KIF5C: variants seen among roughly 807,000 people sequenced by gnomAD.
The protein encoded by KIF5C is kinesin family member 5C.
In KIF5C, 18 loss-of-function variants were observed where a neutral mutation model predicts 125.2. The ratio of observed to expected loss-of-function variants is 0.14; its 90% CI spans 0.10 to 0.21. The LOEUF is 0.21. Among genes scored for constraint, KIF5C ranks in the 10% least tolerant of loss-of-function variants. The pLI is 1.00. For missense variants in KIF5C, 780 were observed against 1,183.8 expected (o/e 0.66, Z 5.01); for synonymous variants, 405 against 434.0 (o/e 0.93, Z 0.83).
intron 7 of KIF5C, among the ~76,000 whole-genome samples, chr2:148,943,422 A>T (rs894377354): frequency 1.3e-5 from 2 of 152,166 alleles, no homozygotes; most frequent in African/African-American, 2.4e-5. Flanking sequence ...ATTAAGAGGG[A>T]TGTGGACAAA....
intron 23 of KIF5C, among the ~76,000 whole-genome samples, chr2:149,008,979 G>GT (rs1470279103): frequency 2.7e-5 from 4 of 146,172 alleles, no homozygotes; most frequent in Admixed American, 6.8e-5. Context: ...ATTTATTTTT[G>GT]TTTTTTTTAA....
intron 1 of KIF5C, among the ~76,000 whole-genome samples, chr2:148,917,157 A>T (rs757274250): frequency 6.6e-6 from 1 of 151,786 alleles, no homozygotes; most frequent in African/African-American, 2.4e-5. Context: ...TTTTTTCCCC[A>T]ATCTTGCCTT....
At chr2:148,919,194 T>A (rs1314398227) in intron 1 of KIF5C, among the ~76,000 whole-genome samples, 1 of 152,202 alleles carries the variant, frequency 6.6e-6, no homozygotes, top group African/African-American at 2.4e-5. Flanking sequence ...TTAAATTACA[T>A]GTAACTCAAG....
intron 15 of KIF5C, among the ~76,000 whole-genome samples, chr2:148,984,342 C>T (rs1464879075): frequency 2.6e-5 from 4 of 152,220 alleles, no homozygotes; most frequent in Non-Finnish European, 4.4e-5. Flanking sequence ...AAAATCTGCA[C>T]TTTAACAAGA....
Position 149,002,936 on chromosome 2 carries a change from C to T in KIF5C, c.2373+2154C>T, listed in dbSNP as rs1312835289. Among the ~76,000 whole-genome samples, 4 of 152,232 alleles carry T rather than the reference C, an allele frequency of 2.6e-5. No individual in the cohort carries two copies. The South Asian group carries it at 6.2e-4, about 24-fold the overall frequency. On this transcript the variant is annotated intron_variant, in intron 21 of 25. Transcript: ENST00000435030. ...ACGTATTTTCCTCACTAGCTCCTCC[C>T]GTCTCCCTGCTCGTCCGTTCTCTCT...
chr2:148,958,098 T>G (rs151096298), intron 10 of KIF5C, among the ~76,000 whole-genome samples: 1 of 152,192 alleles, frequency 6.6e-6, no homozygotes, highest in South Asian at 2.1e-4. Context: ...GTATCCATTC[T>G]ATTGTTGATG....
chr2:148,984,072 A>G (rs377067419), intron 15 of KIF5C, among the ~76,000 whole-genome samples: 217 of 152,350 alleles, frequency 1.4e-3, no homozygotes, highest in Non-Finnish European at 2.7e-3. Context: ...ATGTTGCAGA[A>G]GTTTGGAATT....
At chr2:148,994,678 A>G in intron 17 of KIF5C, 140 bp downstream of exon 17, 1 of 1,077,784 alleles carries the variant, frequency 9.3e-7, no homozygotes, top group Non-Finnish European at 1.2e-6. Context: ...ACTAGAAAAA[A>G]AGGAGCGATT....
chr2:148,895,741 C>T (rs1271224800), intron 1 of KIF5C, among the ~76,000 whole-genome samples: 3 of 152,032 alleles, frequency 2.0e-5, no homozygotes, highest in African/African-American at 4.8e-5. Context: ...ATTGAAAGCC[C>T]AAGATCGAGG....
chr2:148,875,935 C>T (rs1355536687), intron 1 of KIF5C, among the ~76,000 whole-genome samples, 192 bp downstream of exon 1: 1 of 116,270 alleles, frequency 8.6e-6, no homozygotes, highest in Non-Finnish European at 1.9e-5. Context: ...GAGAGGCGGC[C>T]GGGAGCGGCG....
intron 1 of KIF5C, among the ~76,000 whole-genome samples, chr2:148,896,991 T>C (rs372331757): frequency 6.6e-6 from 1 of 151,964 alleles, no homozygotes; most frequent in African/African-American, 2.4e-5. Flanking sequence ...CACCACTACA[T>C]CCGGCTAATT....
intron 1 of KIF5C, among the ~76,000 whole-genome samples, chr2:148,910,218 T>G (rs1681277725): frequency 6.6e-6 from 1 of 152,232 alleles, no homozygotes; most frequent in Non-Finnish European, 1.5e-5. Context: ...TAAGTTATAA[T>G]GTTAATAACA....
intron 2 of KIF5C, among the ~76,000 whole-genome samples, chr2:148,926,050 C>A (rs564204535): frequency 6.6e-6 from 1 of 152,346 alleles, no homozygotes; most frequent in African/African-American, 2.4e-5. Context: ...TACAGGCCCC[C>A]ATTTCCCCTG....
intron 11 of KIF5C, 79 bp downstream of exon 11, chr2:148,962,198 C>G (rs1160663978): frequency 6.8e-7 from 1 of 1,480,118 alleles, no homozygotes; most frequent in Non-Finnish European, 9.0e-7. Flanking sequence ...CAGAGTCTCT[C>G]TCTGTCACTC....
At chr2:148,980,713 T>TATTTATTA (rs1374642730) in intron 13 of KIF5C, among the ~76,000 whole-genome samples, 1 of 148,718 alleles carries the variant, frequency 6.7e-6, no homozygotes, top group Non-Finnish European at 1.5e-5. Context: ...TTTATTTATT[T>TATTTATTA]ATTTATTATT....
At chr2:148,882,454 T>C (rs1409448159) in intron 1 of KIF5C, among the ~76,000 whole-genome samples, 1 of 152,128 alleles carries the variant, frequency 6.6e-6, no homozygotes, top group Non-Finnish European at 1.5e-5. Context: ...TGCCCTCAGG[T>C]TGGAAACCAG....
chr2:148,994,657 A>G (rs2105177491), intron 17 of KIF5C, 119 bp downstream of exon 17: 1 of 1,213,144 alleles, frequency 8.2e-7, no homozygotes. Context: ...TCTACTGCAA[A>G]CAAAACCATA....
At chr2:148,986,780 A>T (rs1320745475) in intron 15 of KIF5C, among the ~76,000 whole-genome samples, 1 of 152,166 alleles carries the variant, frequency 6.6e-6, no homozygotes, top group Non-Finnish European at 1.5e-5. Flanking sequence ...CTAGAATATG[A>T]CAGCTCTGAA....
Position 148,986,059 on chromosome 2 carries a change from G to A in KIF5C, c.1716+2293G>A, listed in dbSNP as rs550955228. ...AAATTCGATGTGAGGTGATTAAATG[G>A]CCTCACAATATGAAGGTGGAGTTGA... On this transcript the variant is annotated intron_variant, in intron 15 of 25. Transcript: ENST00000435030. 1.2e-4 allele frequency among the ~76,000 whole-genome samples: 19 copies of A among 152,250 alleles called. No homozygotes were observed. The South Asian group carries it at 2.5e-3, about 20-fold the overall frequency.
Sources: allele counts gnomAD v4.1 joint callset (sites outside exome capture counted in the v4.1 genomes callset), GRCh38; gene constraint gnomAD v4.1.1; transcripts MANE v1.5; gene names NCBI Gene and HGNC (gene_info 2026-07-23, HGNC 2026-07-21).